NYAP2: variants seen among roughly 807,000 people sequenced by gnomAD.
The protein encoded by NYAP2 is neuronal tyrosine-phosphorylated phosphoinositide-3-kinase adaptor 2, also known as neuronal tyrosine-phosphorylated phosphoinositide-3-kinase adapter 2.
NYAP2 carries 23 observed loss-of-function variants against 50.4 expected under a neutral mutation model. The ratio of observed to expected loss-of-function variants is 0.46; its 90% CI spans 0.33 to 0.65. The LOEUF (loss-of-function observed/expected upper bound fraction) is 0.65. Among genes scored for constraint, NYAP2 ranks in the 30% least tolerant of loss-of-function variants. The pLI, the probability that NYAP2 is intolerant of heterozygous loss-of-function variation, is 0.02. For synonymous variants in NYAP2, 394 were observed against 365.2 expected (o/e 1.08, Z -0.90); for missense variants, 885 against 861.0 (o/e 1.03, Z -0.35).
At chr2:225,420,047 A>C (rs1044664646) in intron 3 of NYAP2, among the ~76,000 whole-genome samples, 4 of 152,236 alleles carry the variant, frequency 2.6e-5, no homozygotes, top group Admixed American at 2.0e-4. Context: ...GTTTAGTCTT[A>C]ATTATTAAAC....
the NYAP2 span, among the ~76,000 whole-genome samples, chr2:225,659,748 T>G: frequency 6.6e-6 from 1 of 150,450 alleles, no homozygotes; most frequent in Non-Finnish European, 1.5e-5. Context: ...AGTCTGGGGT[T>G]GTTGTTGAGG....
At chr2:225,481,501 G>A (rs538889476) in intron 3 of NYAP2, among the ~76,000 whole-genome samples, 8 of 152,126 alleles carry the variant, frequency 5.3e-5, no homozygotes, top group Admixed American at 5.2e-4. Flanking sequence ...TTTTTGACCT[G>A]CTAATAAAGA....
chr2:225,519,472 C>A (rs1001652718), intron 4 of NYAP2, among the ~76,000 whole-genome samples: 1 of 142,484 alleles, frequency 7.0e-6, no homozygotes, highest in African/African-American at 2.6e-5. Flanking sequence ...CTTCCTGTGT[C>A]CATGTGTTCT....
intron 3 of NYAP2, among the ~76,000 whole-genome samples, chr2:225,454,262 T>C (rs188610825): frequency 4.6e-4 from 70 of 152,118 alleles, no homozygotes; most frequent in Non-Finnish European, 9.4e-4. Flanking sequence ...GCCCAGGAGA[T>C]TGAGGCTGCA....
the NYAP2 span, among the ~76,000 whole-genome samples, chr2:225,679,493 G>GTTTT: frequency 2.6e-3 from 273 of 103,712 alleles, 11 homozygotes; most frequent in Middle Eastern, 7.7e-3. Context: ...GCTTCTAATT[G>GTTTT]TTTTTTTTTT....
At chr2:225,586,879 A>G (rs1314197556) in intron 5 of NYAP2, among the ~76,000 whole-genome samples, 5 of 152,332 alleles carry the variant, frequency 3.3e-5, no homozygotes, top group Non-Finnish European at 7.3e-5. Context: ...GCTACAAAGA[A>G]CTACTCGAGA....
chr2:225,413,195 C>G (rs1290878137), intron 3 of NYAP2, among the ~76,000 whole-genome samples: 1 of 152,084 alleles, frequency 6.6e-6, no homozygotes, highest in Non-Finnish European at 1.5e-5. Context: ...TGAGATTTCT[C>G]AAGTGTCTTT....
At chr2:225,697,444 G>A in the NYAP2 span, among the ~76,000 whole-genome samples, 1 of 151,898 alleles carries the variant, frequency 6.6e-6, no homozygotes, top group Non-Finnish European at 1.5e-5. Flanking sequence ...AAATATTTAA[G>A]CATTTACATT....
chr2:225,464,490 C>T (rs778408260), intron 3 of NYAP2, among the ~76,000 whole-genome samples: 8 of 152,062 alleles, frequency 5.3e-5, no homozygotes, highest in Non-Finnish European at 1.2e-4. Flanking sequence ...GGAGCATGAA[C>T]GATGGAGAAA....
At chr2:225,591,996 C>T in intron 5 of NYAP2, among the ~76,000 whole-genome samples, 1 of 152,086 alleles carries the variant, frequency 6.6e-6, no homozygotes, top group East Asian at 1.9e-4. Context: ...CTGAGCTGCC[C>T]CTGAAGGCAT....
intron 5 of NYAP2, among the ~76,000 whole-genome samples, chr2:225,587,705 C>T (rs151190827): frequency 2.0e-5 from 3 of 151,906 alleles, no homozygotes; most frequent in African/African-American, 7.2e-5. Context: ...CAGAAAGAGA[C>T]AGGTAGAACA....
chr2:225,416,797 G>A (rs2106124161), intron 3 of NYAP2, among the ~76,000 whole-genome samples: 1 of 152,192 alleles, frequency 6.6e-6, no homozygotes, highest in South Asian at 2.1e-4. Context: ...GAAATAAATA[G>A]ACAGATGTTG....
intron 3 of NYAP2, among the ~76,000 whole-genome samples, chr2:225,426,455 C>T (rs574984173): frequency 6.6e-6 from 1 of 152,288 alleles, no homozygotes; most frequent in South Asian, 2.1e-4. Flanking sequence ...GGCAGGAACT[C>T]GCTTTGCTCA....
At chr2:225,458,430 A>G (rs913652439) in intron 3 of NYAP2, among the ~76,000 whole-genome samples, 1 of 152,218 alleles carries the variant, frequency 6.6e-6, no homozygotes, top group Non-Finnish European at 1.5e-5. Context: ...TTTTTTATTG[A>G]ATCAATGTTA....
chr2:225,495,121 A>G (rs927956731), intron 3 of NYAP2, among the ~76,000 whole-genome samples: 10 of 152,228 alleles, frequency 6.6e-5, no homozygotes, highest in African/African-American at 2.4e-4. Context: ...TTATTCTACT[A>G]AAATAGTCTT....
intron 3 of NYAP2, among the ~76,000 whole-genome samples, chr2:225,440,171 C>G (rs539375851): frequency 6.6e-6 from 1 of 152,300 alleles, no homozygotes; most frequent in Admixed American, 6.5e-5. Flanking sequence ...CCTTATCAAA[C>G]AGCCATTTTT....
At chr2:225,398,425 T>C (rs981403748), upstream of NYAP2, among the ~76,000 whole-genome samples, 4 of 152,020 alleles carry the variant, frequency 2.6e-5, no homozygotes, top group African/African-American at 9.7e-5. Flanking sequence ...AAAATGTCTG[T>C]CAATAATTTT....
intron 5 of NYAP2, among the ~76,000 whole-genome samples, chr2:225,603,922 A>G (rs1179473749): frequency 2.0e-5 from 3 of 152,056 alleles, no homozygotes; most frequent in Non-Finnish European, 4.4e-5. Context: ...TGAGACCTTC[A>G]TTTTTTTACT....
chr2:225,622,502 TTTTCTTTCTTTCTTTC>T (rs1400420568), intron 5 of NYAP2, among the ~76,000 whole-genome samples: 1 of 23,992 alleles, frequency 4.2e-5, no homozygotes, highest in Non-Finnish European at 1.4e-4. Flanking sequence ...ATTTTATTTC[TTTTCTTTCTTTCTTTC>T]TTCTTTCTTT....
Sources: gnomAD v4.1 joint callset for allele counts (sites outside exome capture counted in the v4.1 genomes callset) on GRCh38, gnomAD v4.1.1 for gene constraint, MANE v1.5 for transcripts, NCBI Gene and HGNC (gene_info 2026-07-23, HGNC 2026-07-21) for gene names.